LRP1B: variants seen among roughly 807,000 people sequenced by gnomAD.
LRP1B encodes LDL receptor related protein 1B, also known as low-density lipoprotein receptor-related protein 1B.
LRP1B carries 217 observed loss-of-function variants against 556.6 expected under a neutral mutation model. That is an observed-to-expected ratio of 0.39 (90% CI 0.35 to 0.44). The LOEUF is 0.44. Ranked by LOEUF, LRP1B falls within the 20% of genes least tolerant of loss-of-function variation. The pLI is 1.00. For missense variants in LRP1B, 5,053 were observed against 5,620.8 expected, an observed-to-expected ratio of 0.90 and a Z score of 3.23; for synonymous variants, 2,047 against 1,865.8, an observed-to-expected ratio of 1.10 and a Z score of -2.50.
At chr2:141,999,255 C>G (rs928236771) in intron 1 of LRP1B, among the ~76,000 whole-genome samples, 2 of 152,090 alleles carry the variant, frequency 1.3e-5, no homozygotes, top group African/African-American at 4.8e-5. Context: ...CCCTCCCCAT[C>G]ATGGCCTGAA....
chr2:140,560,944 T>C (rs2105076928), intron 43 of LRP1B, among the ~76,000 whole-genome samples: 1 of 152,272 alleles, frequency 6.6e-6, no homozygotes, highest in African/African-American at 2.4e-5. Context: ...AAAAGAAAGA[T>C]AAATGGGGAT....
chr2:140,467,173 A>AT lies in LRP1B; in HGVS notation c.9625+7964dup, dbSNP rs1336605719. Among the ~76,000 whole-genome samples, 5 of 152,268 alleles carry AT rather than the reference A, an allele frequency of 3.3e-5. No homozygotes were observed. In the East Asian group the frequency reaches 5.8e-4, roughly 18 times the overall value. ...ATAAAAAATCTCAAATTTATAACAA[A>AT]TTTTTTCTTATATTCAGGGAATGTA... On this transcript the variant is annotated intron_variant, in intron 60 of 90. Transcript: ENST00000389484.
At chr2:140,461,770 G>T (rs1424584834) in intron 60 of LRP1B, among the ~76,000 whole-genome samples, 3 of 151,962 alleles carry the variant, frequency 2.0e-5, no homozygotes, top group Admixed American at 6.6e-5. Flanking sequence ...GGAGGCAGAG[G>T]TTGCAGTGAG....
At chr2:141,518,251 A>G (rs1390785267) in intron 2 of LRP1B, among the ~76,000 whole-genome samples, 1 of 152,126 alleles carries the variant, frequency 6.6e-6, no homozygotes, top group Non-Finnish European at 1.5e-5. Context: ...CAGGCCCAAA[A>G]GTGAGTGTGT....
chr2:141,598,065 A>C (rs1687587376), intron 2 of LRP1B, among the ~76,000 whole-genome samples: 1 of 143,716 alleles, frequency 7.0e-6, no homozygotes, highest in African/African-American at 2.4e-5. Flanking sequence ...AAATTTACAA[A>C]ATTTTAAAAG....
intron 3 of LRP1B, among the ~76,000 whole-genome samples, chr2:141,420,262 C>A (rs767027031): frequency 5.3e-5 from 8 of 152,088 alleles, no homozygotes; most frequent in Non-Finnish European, 8.8e-5. Flanking sequence ...TATATAACGT[C>A]CTTATCTATG....
intron 7 of LRP1B, among the ~76,000 whole-genome samples, chr2:141,183,132 G>A (rs1391453451): frequency 1.3e-5 from 2 of 151,934 alleles, no homozygotes; most frequent in African/African-American, 2.4e-5. Flanking sequence ...CATAGTCTGA[G>A]GCATTTAATA....
Position 141,434,307 on chromosome 2 carries a change from A to G in LRP1B, c.343+46089T>C, listed in dbSNP as rs539335255. 1.1e-3 allele frequency among the ~76,000 whole-genome samples: 165 copies of G among 152,100 alleles called. 3 individuals are homozygous for G. Among genetic ancestry groups the G allele is most frequent in the African/African-American group, 3.7e-3 (155 of 41,510 alleles). On this transcript the variant is annotated intron_variant, in intron 3 of 90. Coordinates refer to ENST00000389484, the MANE Select transcript of LRP1B (RefSeq NM_018557.3). The stretch of plus-strand genomic sequence containing the variant: ...TTTTTCCTCTTGTTCTTCAAGTTAC[A>G]TATTCTATCTTTATGTACATCCAGT...
chr2:140,362,576 G>T lies in LRP1B; in HGVS notation c.11131+2085C>A, dbSNP rs141208533. 2.5e-3 allele frequency among the ~76,000 whole-genome samples: 372 copies of T among 151,682 alleles called. 1 individual carries two copies. Among genetic ancestry groups the T allele is most frequent in the African/African-American group, 8.5e-3 (352 of 41,432 alleles). On this transcript the variant is annotated intron_variant, in intron 72 of 90. Transcript: ENST00000389484. ...GTAGCTACCTGGCTCTGTGCCCTCT[G>T]GGAACATGGATCCTTCAGTTCCTTG...
intron 7 of LRP1B, among the ~76,000 whole-genome samples, chr2:141,122,481 C>T (rs978016673): frequency 6.6e-6 from 1 of 151,442 alleles, no homozygotes; most frequent in African/African-American, 2.4e-5. Flanking sequence ...TTTATGCAGC[C>T]AACAGACACA....
chr2:140,242,247 A>T (rs1680978804), intron 87 of LRP1B, among the ~76,000 whole-genome samples: 1 of 151,282 alleles, frequency 6.6e-6, no homozygotes, highest in Non-Finnish European at 1.5e-5. Context: ...TATTATAGAT[A>T]GGATTATGCC....
chr2:141,922,842 G>A (rs1334367877), intron 1 of LRP1B, among the ~76,000 whole-genome samples: 2 of 152,124 alleles, frequency 1.3e-5, no homozygotes, highest in South Asian at 2.1e-4. Context: ...GCTCCTGCCT[G>A]TAATTTCAGC....
intron 2 of LRP1B, among the ~76,000 whole-genome samples, chr2:141,548,491 G>C (rs1177448055): frequency 6.6e-6 from 1 of 152,178 alleles, no homozygotes; most frequent in Admixed American, 6.6e-5. Flanking sequence ...TTGCTTGCTA[G>C]CTACCCAAAA....
chr2:140,695,019 C>T (rs1460291828), intron 41 of LRP1B, among the ~76,000 whole-genome samples: 1 of 151,200 alleles, frequency 6.6e-6, no homozygotes, highest in African/African-American at 2.4e-5. Flanking sequence ...CTTTGATGAA[C>T]CCCAAGTAAA....
At chr2:140,748,205 TATATTCTTATATATAAA>T (rs1688393950) in intron 35 of LRP1B, among the ~76,000 whole-genome samples, 1 of 112,600 alleles carries the variant, frequency 8.9e-6, no homozygotes, top group Admixed American at 9.9e-5. Context: ...TCATATATAT[TATATTCTTATATATAAA>T]AGTCAAATAT....
At chr2:140,727,200 A>C (rs1687624663) in intron 35 of LRP1B, among the ~76,000 whole-genome samples, 1 of 152,184 alleles carries the variant, frequency 6.6e-6, no homozygotes, top group Non-Finnish European at 1.5e-5. Context: ...GTGCAATGAA[A>C]AGGAAAGGCT....
rs72043982 is a variant in LRP1B at position 141,591,581 on chromosome 2, G to GGTGTGTGTGTGT, written c.206-111060_206-111049dup. Among the ~76,000 whole-genome samples the GGTGTGTGTGTGT allele has an allele frequency of 1.6e-4, 24 of 148,226 alleles. No homozygotes were observed. The East Asian group carries it at 2.0e-3, about 12-fold the overall frequency. On this transcript the variant is annotated intron_variant, in intron 2 of 90. Transcript: ENST00000389484. ...AGATCACTGAAGACAACTGCAGAGTGGTGTGTGTGTGTGTGTGTGTGTGTG... is the reference window on the plus strand; with the variant it reads ...AGATCACTGAAGACAACTGCAGAGTGGTGTGTGTGTGTGTGTGTGTGTGTGTGTGTGTGTGTG...
chr2:140,605,533 CT>C (rs1390668401), intron 41 of LRP1B, among the ~76,000 whole-genome samples: 2 of 142,664 alleles, frequency 1.4e-5, no homozygotes, highest in Non-Finnish European at 3.2e-5. Context: ...TTTCTTTTTT[CT>C]TTTCTTTCCT....
intron 3 of LRP1B, among the ~76,000 whole-genome samples, chr2:141,476,952 C>T (rs7340297): frequency 0.51 from 77,537 of 151,582 alleles, 20,036 homozygotes; most frequent in Non-Finnish European, 0.55. Context: ...GGAGAAACTC[C>T]ATTTCTACCA....
Sources: allele counts gnomAD v4.1 joint callset (sites outside exome capture counted in the v4.1 genomes callset), GRCh38; gene constraint gnomAD v4.1.1; transcripts MANE v1.5; gene names NCBI Gene and HGNC (gene_info 2026-07-23, HGNC 2026-07-21).